Variants in DNAJC3 observed in about 807,000 individuals in gnomAD.
The protein encoded by DNAJC3 is DnaJ heat shock protein family (Hsp40) member C3.
A neutral mutation model predicts 68.6 loss-of-function variants in DNAJC3; 38 were observed. The ratio of observed to expected loss-of-function variants is 0.55; its 90% confidence interval spans 0.43 to 0.73. The LOEUF (loss-of-function observed/expected upper bound fraction) is 0.73. DNAJC3 is among the 30% of genes least tolerant of loss of function. The pLI is 0.00. For synonymous variants in DNAJC3, 203 were observed against 204.0 expected (o/e 1.00, Z 0.04); for missense variants, 526 against 591.9 (o/e 0.89, Z 1.16).
At chr13:95,695,263 C>T (rs186428327) in intron 1 of DNAJC3, 1 of 152,288 alleles carries the variant, frequency 6.6e-6, no homozygotes, top group Non-Finnish European at 1.5e-5. Context: ...TATCCTAGGT[C>T]TAATATTTCT....
In DNAJC3 at chr13:95,760,280, C is replaced by T. The variant is rs537620822; in HGVS notation, c.728+59C>T. The T allele has an allele frequency of 3.0e-5, 41 of 1,361,374 alleles. No individual in the cohort carries two copies. In the East Asian group the frequency reaches 8.2e-4, roughly 27 times the overall value. The allele number at this position is 1,361,374 out of a possible 1,614,324, so 84.3% of individuals were successfully genotyped here. A position where few individuals can be genotyped will look rare whatever the true frequency, so the allele number is the denominator to read the frequency against. The stretch of plus-strand genomic sequence containing the variant: ...TTAATTGTTGGCAGTAAGATTACCT[C>T]ATCTTGTTTTAACATTTTAATATTA... On this transcript the variant is annotated intron_variant, in intron 6 of 11. Transcript: ENST00000602402.
At chr13:95,749,757 C>A (rs1882417076) in intron 4 of DNAJC3, among the ~76,000 whole-genome samples, 1 of 151,258 alleles carries the variant, frequency 6.6e-6, no homozygotes, top group Non-Finnish European at 1.5e-5. Context: ...ATCTTTAAAA[C>A]CCACAGTTTC....
At chr13:95,680,109 G>T (rs543269315) in intron 1 of DNAJC3, among the ~76,000 whole-genome samples, 4 of 152,172 alleles carry the variant, frequency 2.6e-5, no homozygotes, top group Non-Finnish European at 5.9e-5. Flanking sequence ...AACTTTAGTA[G>T]TATCTGCTTT....
rs1354797563 is a variant in DNAJC3, at chr13:95,764,373, C to CTATA, written c.1075+421_1075+422insATAT. Among the ~76,000 whole-genome samples, 429 of 128,864 alleles carry CTATA rather than the reference C, an allele frequency of 3.3e-3. 1 individual carries two copies. Among genetic ancestry groups the CTATA allele is most frequent in the African/African-American group, 0.013 (383 of 29,916 alleles). The allele number at this position is 128,864 out of a possible 152,430, so 84.5% of individuals were successfully genotyped here. ...TCTCTCTCTCTCTCTCTCTCTCTCT[C>CTATA]TCTATATATATATATATATATACTC... On this transcript the variant is annotated intron_variant, in intron 9 of 11. Coordinates refer to ENST00000602402, the MANE Select transcript of DNAJC3 (RefSeq NM_006260.5).
intron 4 of DNAJC3, among the ~76,000 whole-genome samples, chr13:95,726,009 A>T (rs940475676): frequency 1.3e-5 from 2 of 151,626 alleles, no homozygotes; most frequent in Admixed American, 1.3e-4. Context: ...TGAACTCTTC[A>T]TTTTTTATGG....
rs1257812507 is a variant in DNAJC3, at chr13:95,794,611, G to A, written c.*3581G>A. ...ACGTTAAGAGGTGGGATTATTTGGG[G>A]GTTTTTTTTGTTTGTTTACAGATGA... On this transcript the variant is annotated 3_prime_UTR_variant, in exon 12 of 12. Coordinates refer to ENST00000602402, the MANE Select transcript of DNAJC3 (RefSeq NM_006260.5). The A allele has an allele frequency of 6.6e-6, 1 of 152,138 alleles. No homozygotes were observed. Among genetic ancestry groups the A allele is most frequent in the African/African-American group, 2.4e-5 (1 of 41,424 alleles). 9.4% of individuals were successfully genotyped at this position (152,138 alleles called of 1,614,324 possible). A position where few individuals can be genotyped will look rare whatever the true frequency, so the allele number is the denominator to read the frequency against.
At chr13:95,710,164 A>C (rs1880910028) in intron 2 of DNAJC3, among the ~76,000 whole-genome samples, 1 of 151,912 alleles carries the variant, frequency 6.6e-6, no homozygotes, top group Admixed American at 6.6e-5. Flanking sequence ...TTAGGACTGT[A>C]AGAAGTGAGA....
intron 1 of DNAJC3, chr13:95,695,579 A>G (rs1024434081): frequency 1.3e-5 from 2 of 152,280 alleles, no homozygotes; most frequent in African/African-American, 2.4e-5. Context: ...CAGTCACATG[A>G]ATCAGATGAT....
At chr13:95,747,610 T>C (rs1479563338) in intron 4 of DNAJC3, among the ~76,000 whole-genome samples, 5 of 152,218 alleles carry the variant, frequency 3.3e-5, no homozygotes, top group African/African-American at 1.2e-4. Context: ...TGAAGGTTTA[T>C]GTTGGAAGTA....
chr13:95,741,674 C>T (rs1477543422), intron 4 of DNAJC3, among the ~76,000 whole-genome samples: 1 of 152,074 alleles, frequency 6.6e-6, no homozygotes, highest in East Asian at 1.9e-4. Flanking sequence ...CTTTGGATCC[C>T]AGCTGGTCTG....
intron 1 of DNAJC3, among the ~76,000 whole-genome samples, chr13:95,682,290 C>T (rs182407942): frequency 1.1e-4 from 17 of 152,126 alleles, no homozygotes; most frequent in African/African-American, 4.1e-4. Context: ...TAGGGCTTTC[C>T]TCATTCCTCA....
At chr13:95,707,656 G>A (rs1355873849) in intron 1 of DNAJC3, among the ~76,000 whole-genome samples, 1 of 152,132 alleles carries the variant, frequency 6.6e-6, no homozygotes, top group African/African-American at 2.4e-5. Flanking sequence ...AGGAGAGACC[G>A]AAATCATGTA....
In DNAJC3 at chr13:95,684,709, T is replaced by C. The variant is rs554355371; in HGVS notation, c.82+7372T>C. Reference sequence around the variant, plus strand: ...CAGAGACCTAGGAGGGAAGAACAGTTTCCTGGGCCAGGGCCCTGCCAGCCT... The same window carrying C: ...CAGAGACCTAGGAGGGAAGAACAGTCTCCTGGGCCAGGGCCCTGCCAGCCT... On this transcript the variant is annotated intron_variant, in intron 1 of 11. Coordinates refer to ENST00000602402, the MANE Select transcript of DNAJC3 (RefSeq NM_006260.5). Among the ~76,000 whole-genome samples, 15 of 152,300 alleles carry C rather than the reference T, an allele frequency of 9.8e-5. No individual in the cohort carries two copies. The South Asian group carries it at 2.5e-3, about 25-fold the overall frequency.
intron 9 of DNAJC3, among the ~76,000 whole-genome samples, chr13:95,781,243 G>A (rs1346527491): frequency 2.0e-5 from 3 of 152,074 alleles, no homozygotes; most frequent in Non-Finnish European, 4.4e-5. Flanking sequence ...CTTATAGTAG[G>A]GATTAATGCT....
At chr13:95,681,635 C>T (rs1029006681) in intron 1 of DNAJC3, among the ~76,000 whole-genome samples, 5 of 152,130 alleles carry the variant, frequency 3.3e-5, no homozygotes, top group Non-Finnish European at 7.4e-5. Flanking sequence ...ATTACAGGCA[C>T]GAGCCAATGC....
chr13:95,704,583 A>AG (rs989707885), intron 1 of DNAJC3, among the ~76,000 whole-genome samples: 1 of 152,210 alleles, frequency 6.6e-6, no homozygotes, highest in Non-Finnish European at 1.5e-5. Flanking sequence ...CTGTAATGAT[A>AG]GGTAATACAT....
intron 2 of DNAJC3, among the ~76,000 whole-genome samples, chr13:95,717,741 G>T (rs1881197719): frequency 6.6e-6 from 1 of 152,022 alleles, no homozygotes; most frequent in Non-Finnish European, 1.5e-5. Context: ...ATTCTCTCTT[G>T]TCTGCTGCCA....
At position 95,792,866 on chromosome 13, in the gene DNAJC3, GAAA is replaced by G. The variant is rs1883822744; in HGVS notation, c.*1837_*1839del. On this transcript the variant is annotated 3_prime_UTR_variant, in exon 12 of 12. Transcript: ENST00000602402. ...TATATGATGTCACTGTGACCTCTTT[GAAA>G]TATAGTGATGGCTTTTACCTACTTT... 6.6e-6 allele frequency: 1 copy of G among 152,058 alleles called. No individual in the cohort carries two copies. The highest frequency in any genetic ancestry group is 1.5e-5 in the Non-Finnish European group (1 of 68,018). The allele number at this position is 152,058 out of a possible 1,614,324, so 9.4% of individuals were successfully genotyped here. A position where few individuals can be genotyped will look rare whatever the true frequency, so the allele number is the denominator to read the frequency against.
chr13:95,694,383 A>G (rs1222793162), intron 1 of DNAJC3: 2 of 152,578 alleles, frequency 1.3e-5, no homozygotes, highest in Non-Finnish European at 2.9e-5. Flanking sequence ...CAATACCACA[A>G]CCCACAGCAC....
Sources: gnomAD v4.1 joint callset for allele counts (sites outside exome capture counted in the v4.1 genomes callset) on GRCh38, gnomAD v4.1.1 for gene constraint, MANE v1.5 for transcripts, NCBI Gene and HGNC (gene_info 2026-07-23, HGNC 2026-07-21) for gene names.